The following TFDP2 variants were observed in gnomAD, a reference collection of about 807,000 sequenced individuals.
The protein encoded by TFDP2 is transcription factor Dp-2, also known as transcription factor Dp-2 (E2F dimerization partner 2).
In TFDP2, 17 loss-of-function variants were observed where a neutral mutation model predicts 59.3. That is an observed-to-expected ratio of 0.29 (90% CI 0.20 to 0.43). The LOEUF is 0.43. Among genes scored for constraint, TFDP2 ranks in the 20% least tolerant of loss-of-function variants. The pLI is 1.00. For missense variants in TFDP2, 391 were observed against 528.8 expected (o/e 0.74, Z 2.56); for synonymous variants, 180 against 194.7 (o/e 0.92, Z 0.63).
intron 3 of TFDP2, among the ~76,000 whole-genome samples, chr3:142,012,227 C>A (rs549207453): frequency 6.6e-6 from 1 of 152,026 alleles, no homozygotes; most frequent in South Asian, 2.1e-4. Flanking sequence ...TTAGCCAGGA[C>A]GGTCTCGATC....
intron 3 of TFDP2, among the ~76,000 whole-genome samples, chr3:142,021,595 G>C (rs759609128): frequency 6.6e-5 from 10 of 152,142 alleles, no homozygotes; most frequent in Non-Finnish European, 1.0e-4. Context: ...TTTTCACTTA[G>C]GGGACACTTT....
At chr3:141,995,237 A>G in intron 4 of TFDP2, 96 bp from the exon 5 acceptor site, 1 of 1,063,330 alleles carries the variant, frequency 9.4e-7, no homozygotes, top group Non-Finnish European at 1.2e-6. Context: ...ATATGAGGAA[A>G]CCTTGCTGCC....
In TFDP2 at chr3:142,148,047, G is replaced by GA. The variant is rs112499509; in HGVS notation, c.-93+1135dup. 5.4e-3 allele frequency among the ~76,000 whole-genome samples: 738 copies of GA among 137,182 alleles called. 2 individuals carry two copies. Among genetic ancestry groups the GA allele is most frequent in the Non-Finnish European group, 6.7e-3 (424 of 63,620 alleles). The allele number at this position is 137,182 out of a possible 152,430, so 90.0% of individuals were successfully genotyped here. A position where few individuals can be genotyped will look rare whatever the true frequency, so the allele number is the denominator to read the frequency against. On this transcript the variant is annotated intron_variant, in intron 1 of 12. Transcript: ENST00000489671. ...ATAGATGAATATATATTCACGAGCT[G>GA]AAAAAAAAAACAGGTAAATTATTTA...
chr3:142,143,341 G>C (rs530431245), intron 1 of TFDP2, among the ~76,000 whole-genome samples: 4 of 152,204 alleles, frequency 2.6e-5, no homozygotes, highest in African/African-American at 9.6e-5. Flanking sequence ...CATTGGTCTG[G>C]GCAAGAATTT....
At chr3:141,974,231 G>T (rs759828506) in intron 7 of TFDP2, 40 bp from the exon 8 acceptor site, 1 of 1,523,358 alleles carries the variant, frequency 6.6e-7, no homozygotes, top group Non-Finnish European at 8.8e-7. Flanking sequence ...AATCTTAAGG[G>T]TTAAGATACA....
At chr3:142,087,094 T>C (rs1386370199) in intron 3 of TFDP2, among the ~76,000 whole-genome samples, 1 of 152,172 alleles carries the variant, frequency 6.6e-6, no homozygotes, top group East Asian at 1.9e-4. Flanking sequence ...AGCGATCAAA[T>C]GATATGACAA....
At position 141,944,760 on chromosome 3, in the gene TFDP2, C is replaced by T. The variant is rs1017448671; in HGVS notation, c.*7753G>A. The T allele has an allele frequency of 6.6e-6, 1 of 152,166 alleles. No homozygotes were observed. Among genetic ancestry groups the T allele is most frequent in the Non-Finnish European group, 1.5e-5 (1 of 68,044 alleles). 9.4% of individuals were successfully genotyped at this position (152,166 alleles called of 1,614,324 possible). ...CTGCTTAGGACTTGTCTGTTATCTA[C>T]CAGAAGCAATTTCAGAAAATCAGGA... On this transcript the variant is annotated 3_prime_UTR_variant, in exon 13 of 13. Coordinates refer to ENST00000489671, the MANE Select transcript of TFDP2 (RefSeq NM_001178139.2).
intron 3 of TFDP2, chr3:142,029,129 G>C (rs1448968469): frequency 6.6e-6 from 1 of 152,596 alleles, no homozygotes; most frequent in Non-Finnish European, 1.5e-5. Context: ...AATGCATCTT[G>C]AAAGCAGAGC....
chr3:141,953,766 A>G (rs2107832685), intron 11 of TFDP2, among the ~76,000 whole-genome samples: 1 of 144,998 alleles, frequency 6.9e-6, no homozygotes, highest in East Asian at 2.1e-4. Context: ...ATATCTCCTA[A>G]TGCTATCCCT....
chr3:141,993,420 C>T (rs1270033887), intron 6 of TFDP2, 118 bp downstream of exon 6: 2 of 581,880 alleles, frequency 3.4e-6, no homozygotes, highest in Admixed American at 3.4e-5. Flanking sequence ...ATGGCAAGAA[C>T]TGAAAGAAGT....
intron 1 of TFDP2, among the ~76,000 whole-genome samples, chr3:142,119,263 A>T (rs917282350): frequency 2.0e-5 from 3 of 152,206 alleles, no homozygotes; most frequent in Non-Finnish European, 2.9e-5. Flanking sequence ...ACTCAGAATG[A>T]TCAACTCTCA....
At chr3:142,133,888 T>C (rs1560179617) in intron 1 of TFDP2, among the ~76,000 whole-genome samples, 2 of 151,742 alleles carry the variant, frequency 1.3e-5, no homozygotes, top group Non-Finnish European at 2.9e-5. Context: ...TTTTTCTTTT[T>C]AAGAATATTT....
rs533960407 is a variant in TFDP2 at position 141,945,758 on chromosome 3, T to C, written c.*6755A>G. 1.2e-4 allele frequency: 19 copies of C among 152,356 alleles called. No individual in the cohort carries two copies. The highest frequency in any genetic ancestry group is 1.3e-4 in the Admixed American group (2 of 15,298). The allele number at this position is 152,356 out of a possible 1,614,324, so 9.4% of individuals were successfully genotyped here. On this transcript the variant is annotated 3_prime_UTR_variant, in exon 13 of 13. Transcript: ENST00000489671. ...GAAGCTCGGCCATGGTGAAGTATGG[T>C]AAGTGACAAATGGCATGCATTGAAG... is the stretch of plus-strand genomic sequence containing the variant.
intron 3 of TFDP2, among the ~76,000 whole-genome samples, chr3:142,013,666 T>C (rs903886067): frequency 4.6e-5 from 7 of 152,238 alleles, no homozygotes; most frequent in African/African-American, 1.7e-4. Context: ...TAAAAACTTA[T>C]GCCAGATCTT....
chr3:142,082,140 G>A (rs1484038561), intron 3 of TFDP2, among the ~76,000 whole-genome samples: 1 of 152,274 alleles, frequency 6.6e-6, no homozygotes, highest in South Asian at 2.1e-4. Flanking sequence ...GAGTCTCACA[G>A]GAGTGCAAAC....
At position 142,029,926 on chromosome 3, in the gene TFDP2, T is replaced by C. The variant is rs113637392; in HGVS notation, c.83-24382A>G. Among the ~76,000 whole-genome samples the C allele has an allele frequency of 2.5e-3, 386 of 152,362 alleles. 1 individual carries two copies. Among genetic ancestry groups the C allele is most frequent in the African/African-American group, 8.3e-3 (347 of 41,596 alleles). Reference sequence around the variant, plus strand: ...CAGTTCACTCTAAGTACAACTCTCCTAGATGACTAAGGTACTTTTCCTTCG... The same window carrying C: ...CAGTTCACTCTAAGTACAACTCTCCCAGATGACTAAGGTACTTTTCCTTCG... On this transcript the variant is annotated intron_variant, in intron 3 of 12. Transcript: ENST00000489671.
At chr3:141,954,472 A>G (rs1193839396) in intron 11 of TFDP2, among the ~76,000 whole-genome samples, 1 of 151,948 alleles carries the variant, frequency 6.6e-6, no homozygotes, top group Non-Finnish European at 1.5e-5. Flanking sequence ...CCCCATCTCT[A>G]TTAAAAATAC....
chr3:141,952,961 T>C lies in TFDP2; in HGVS notation c.1107A>G (p.Gln369=). ...TGGTCAGGTCTAAATTTGAAACTGA[T>C]TGGGTAGAGTTCAGAAGTAGTCCCT... ...LNQGLLLNST[Q]SVSNLDLTTG... is the part of the protein sequence containing the mutation. Residue 369 remains glutamine (Q), a synonymous_variant, in exon 12 of 13, where the codon CAA becomes CAG. Transcript: ENST00000489671. 3.1e-6 allele frequency: 5 copies of C among 1,614,030 alleles called. No individual in the cohort carries two copies. Among genetic ancestry groups the C allele is most frequent in the Non-Finnish European group, 4.2e-6 (5 of 1,180,000 alleles).
At chr3:142,078,232 C>T (rs1281367324) in intron 3 of TFDP2, among the ~76,000 whole-genome samples, 1 of 152,174 alleles carries the variant, frequency 6.6e-6, no homozygotes, top group South Asian at 2.1e-4. Flanking sequence ...TCTCTCAACC[C>T]GCATGGGGCC....
Sources: gnomAD v4.1 joint callset for allele counts (sites outside exome capture counted in the v4.1 genomes callset) on GRCh38, gnomAD v4.1.1 for gene constraint, MANE v1.5 for transcripts, NCBI Gene and HGNC (gene_info 2026-07-23, HGNC 2026-07-21) for gene names.